The following ZDHHC14 variants were observed in gnomAD, a reference collection of about 807,000 sequenced individuals.
The protein encoded by ZDHHC14 is zDHHC palmitoyltransferase 14, also known as palmitoyltransferase ZDHHC14.
In ZDHHC14, 16 loss-of-function variants were observed where a neutral mutation model predicts 47.7. The ratio of observed to expected loss-of-function variants is 0.34; its 90% confidence interval spans 0.23 to 0.51. ZDHHC14 has a LOEUF of 0.51. Among genes scored for constraint, ZDHHC14 ranks in the 20% least tolerant of loss-of-function variants. ZDHHC14 has a pLI of 0.97. For synonymous variants in ZDHHC14, 293 were observed against 278.9 expected (o/e 1.05, Z -0.50); for missense variants, 515 against 662.5 (o/e 0.78, Z 2.44).
intron 1 of ZDHHC14, among the ~76,000 whole-genome samples, chr6:157,512,683 A>AAAAG (rs928410905): frequency 7.9e-5 from 12 of 152,246 alleles, no homozygotes; most frequent in South Asian, 2.1e-4. Flanking sequence ...TTCTCCACAA[A>AAAAG]AAAGAAAGAA....
chr6:157,554,797 A>C (rs9331344), intron 2 of ZDHHC14, among the ~76,000 whole-genome samples: 1 of 152,064 alleles, frequency 6.6e-6, no homozygotes, highest in African/African-American at 2.4e-5. Context: ...TGGTGGTGAC[A>C]CTCTGCAGAG....
intron 1 of ZDHHC14, among the ~76,000 whole-genome samples, chr6:157,451,077 G>A (rs1021737032): frequency 1.2e-4 from 18 of 151,860 alleles, no homozygotes; most frequent in African/African-American, 3.9e-4. Context: ...CTGACCGCTT[G>A]TCAAGGTAAG....
chr6:157,424,157 G>T (rs1243141108), intron 1 of ZDHHC14, among the ~76,000 whole-genome samples: 1 of 152,200 alleles, frequency 6.6e-6, no homozygotes, highest in Non-Finnish European at 1.5e-5. Flanking sequence ...TTGAGAGGCA[G>T]CCACTGTGTG....
At chr6:157,608,500 C>G (rs1784630038) in intron 3 of ZDHHC14, among the ~76,000 whole-genome samples, 1 of 152,202 alleles carries the variant, frequency 6.6e-6, no homozygotes, top group African/African-American at 2.4e-5. Flanking sequence ...GAGCTCTGGT[C>G]AGCCAGGCAC....
chr6:157,649,409 C>T (rs546989747), intron 7 of ZDHHC14, among the ~76,000 whole-genome samples: 2 of 152,212 alleles, frequency 1.3e-5, no homozygotes, highest in Admixed American at 6.5e-5. Flanking sequence ...CATAGGCTTC[C>T]GGGCTGGCCC....
chr6:157,622,322 C>T (rs1434119998), intron 3 of ZDHHC14, among the ~76,000 whole-genome samples: 1 of 151,868 alleles, frequency 6.6e-6, no homozygotes, highest in Non-Finnish European at 1.5e-5. Context: ...ACCCGGGAGG[C>T]AGAGGCTGCA....
chr6:157,427,808 G>T lies in ZDHHC14; in HGVS notation c.245+45542G>T, dbSNP rs549799660. The stretch of plus-strand genomic sequence containing the variant: ...GAGTGTGGAAACAGGTTTTCATCAA[G>T]ATCCTTTCCATGACATTGTGGCCCC... On this transcript the variant is annotated intron_variant, in intron 1 of 8. Transcript: ENST00000359775. This position sits in a 1 kb window ranked among gnomAD's most constrained non-coding sequence, Gnocchi z 4.4. Among the ~76,000 whole-genome samples the T allele has an allele frequency of 3.7e-4, 57 of 152,268 alleles. No individual in the cohort carries two copies. The highest frequency in any genetic ancestry group is 3.4e-3 in the Middle Eastern group (1 of 294).
rs577466330 is a variant in ZDHHC14, at chr6:157,488,506, T to C, written c.246-54079T>C. ...ACAGTCAGAAAATTTAATCTGAAAC[T>C]CAAGATGTCTGAAGAGCATACCCTT... On this transcript the variant is annotated intron_variant, in intron 1 of 8. Coordinates refer to ENST00000359775, the MANE Select transcript of ZDHHC14 (RefSeq NM_024630.3). Among the ~76,000 whole-genome samples, 365 of 152,296 alleles carry C rather than the reference T, an allele frequency of 2.4e-3. 1 individual carries two copies. The highest frequency in any genetic ancestry group is 8.1e-3 in the African/African-American group (336 of 41,572).
At chr6:157,410,953 C>T (rs918297251) in intron 1 of ZDHHC14, among the ~76,000 whole-genome samples, 2 of 152,208 alleles carry the variant, frequency 1.3e-5, no homozygotes, top group African/African-American at 2.4e-5. Flanking sequence ...CTTCATCCTC[C>T]TAAAGTGCTG....
At chr6:157,540,503 C>G (rs752417656) in intron 1 of ZDHHC14, among the ~76,000 whole-genome samples, 5 of 152,200 alleles carry the variant, frequency 3.3e-5, no homozygotes, top group Non-Finnish European at 5.9e-5. Context: ...TCTGGCCATT[C>G]ACAAGTAGCC....
At chr6:157,655,418 G>A (rs543209981) in intron 8 of ZDHHC14, among the ~76,000 whole-genome samples, 5 of 152,280 alleles carry the variant, frequency 3.3e-5, no homozygotes, top group East Asian at 3.9e-4. Context: ...CAGTGCCCAC[G>A]TTCACTTCTT....
Position 157,554,474 on chromosome 6 carries a change from A to G in ZDHHC14, c.406+11729A>G, listed in dbSNP as rs150772689. Among the ~76,000 whole-genome samples the G allele has an allele frequency of 8.5e-3, 1,299 of 152,326 alleles. 12 individuals are homozygous for G. The highest frequency in any genetic ancestry group is 0.028 in the African/African-American group (1,147 of 41,566). ...CCAGAATATCCCAAATATTATTTTG[A>G]TGTGTATTTGGTATAAAAGAGTACT... On this transcript the variant is annotated intron_variant, in intron 2 of 8. Transcript: ENST00000359775.
At chr6:157,639,990 G>A (rs543826398) in intron 5 of ZDHHC14, among the ~76,000 whole-genome samples, 2 of 152,304 alleles carry the variant, frequency 1.3e-5, no homozygotes, top group East Asian at 3.9e-4. Context: ...CAATGAGAAT[G>A]TCGCAGCCTC....
intron 8 of ZDHHC14, among the ~76,000 whole-genome samples, chr6:157,659,775 A>G (rs777293273): frequency 6.6e-6 from 1 of 152,218 alleles, no homozygotes; most frequent in Non-Finnish European, 1.5e-5. Flanking sequence ...CTTCCTTTCT[A>G]CTTATTTCCT....
At chr6:157,653,702 C>T in intron 8 of ZDHHC14, 75 bp downstream of exon 8, 1 of 1,471,334 alleles carries the variant, frequency 6.8e-7, no homozygotes, top group Non-Finnish European at 9.3e-7. Context: ...CACCAAGCAG[C>T]CTTCCTAGCA....
chr6:157,569,967 A>G (rs188002732), intron 2 of ZDHHC14, among the ~76,000 whole-genome samples: 2 of 152,330 alleles, frequency 1.3e-5, no homozygotes, highest in Non-Finnish European at 1.5e-5. Context: ...TATTCATTTT[A>G]TCCAATCTGT....
intron 1 of ZDHHC14, among the ~76,000 whole-genome samples, chr6:157,494,275 T>A (rs1262341273): frequency 6.6e-6 from 1 of 152,176 alleles, no homozygotes; most frequent in Non-Finnish European, 1.5e-5. Flanking sequence ...TGGGAACTGT[T>A]TGACACAAAG....
At chr6:157,645,612 C>T (rs1777491798) in intron 5 of ZDHHC14, 125 bp from the exon 6 acceptor site, 8 of 690,626 alleles carry the variant, frequency 1.2e-5, no homozygotes, top group Non-Finnish European at 1.9e-5. Context: ...AAGGCAAGGC[C>T]GGGTGAGAGA....
chr6:157,621,826 T>G (rs1785200416), intron 3 of ZDHHC14, among the ~76,000 whole-genome samples: 1 of 152,194 alleles, frequency 6.6e-6, no homozygotes, highest in Non-Finnish European at 1.5e-5. Flanking sequence ...ATTGTAATAA[T>G]TCTCTGCTTC....
Sources: gnomAD v4.1 joint callset for allele counts (sites outside exome capture counted in the v4.1 genomes callset) on GRCh38, gnomAD v4.1.1 for gene constraint, Gnocchi (gnomAD v3.1) non-coding constraint, MANE v1.5 for transcripts, NCBI Gene and HGNC (gene_info 2026-07-23, HGNC 2026-07-21) for gene names.